Variants in TMC2 observed in about 807,000 individuals in gnomAD.
TMC2 encodes the protein transmembrane channel-like protein 2.
Under a neutral mutation model 105.9 loss-of-function variants are expected in TMC2, and 102 were observed. The observed-to-expected ratio is 0.96, with a 90% confidence interval of 0.82 to 1.14. The LOEUF (loss-of-function observed/expected upper bound fraction) is 1.14, where lower values mean the gene tolerates loss of function less well. Ranked by LOEUF, TMC2 falls within the 50% of genes most tolerant of loss-of-function variation. The pLI, the probability that TMC2 is intolerant of heterozygous loss-of-function variation, is 0.00. For synonymous variants in TMC2, 402 were observed against 422.8 expected, an observed-to-expected ratio of 0.95 and a Z score of 0.60; for missense variants, 1,093 against 1,134.3, an observed-to-expected ratio of 0.96 and a Z score of 0.52.
chr20:2,603,419 G>A (rs1381201400), intron 11 of TMC2, among the ~76,000 whole-genome samples: 1 of 152,186 alleles, frequency 6.6e-6, no homozygotes, highest in African/African-American at 2.4e-5. Context: ...TCAGATTTAA[G>A]TCTAAATATA....
In TMC2 at chr20:2,606,884, C is replaced by CTTT. The variant is rs1276064402; in HGVS notation, c.1414-3531_1414-3529dup. Among the ~76,000 whole-genome samples, 33 of 88,238 alleles carry CTTT rather than the reference C, an allele frequency of 3.7e-4. 2 individuals are homozygous for CTTT. Among genetic ancestry groups the CTTT allele is most frequent in the African/African-American group, 1.5e-3 (25 of 16,644 alleles). The allele number at this position is 88,238 out of a possible 152,430, so 57.9% of individuals were successfully genotyped here. Reference sequence around the variant, plus strand: ...TTTTAATATAGTTTTCCCTTAATTTCTTTTTTCTTTTTTTTTTTTTTTTTT... The same window carrying CTTT: ...TTTTAATATAGTTTTCCCTTAATTTCTTTTTTTTTCTTTTTTTTTTTTTTTTTT... On this transcript the variant is annotated intron_variant, in intron 11 of 19. Coordinates refer to ENST00000358864, the MANE Select transcript of TMC2 (RefSeq NM_080751.3).
At chr20:2,583,202 C>T (rs557722457) in intron 7 of TMC2, among the ~76,000 whole-genome samples, 16 of 152,320 alleles carry the variant, frequency 1.1e-4, no homozygotes, top group South Asian at 4.1e-4. Context: ...CCTTATGTAA[C>T]GCCTCCCTTT....
At chr20:2,579,096 C>A in intron 5 of TMC2, 50 bp from the exon 6 acceptor site, 3 of 1,067,840 alleles carry the variant, frequency 2.8e-6, no homozygotes, top group Non-Finnish European at 4.4e-6. Flanking sequence ...CCCCTTTGTG[C>A]TCCAGGTTGA....
chr20:2,637,440 T>C (rs1568533371), intron 18 of TMC2, 34 bp from the exon 19 acceptor site: 2 of 1,459,806 alleles, frequency 1.4e-6, no homozygotes, highest in Non-Finnish European at 1.9e-6. Flanking sequence ...ACCCATTTCC[T>C]GGGCCAGGAC....
chr20:2,619,439 G>T (rs73572281), intron 16 of TMC2, among the ~76,000 whole-genome samples: 210 of 152,190 alleles, frequency 1.4e-3, no homozygotes, highest in African/African-American at 4.7e-3. Flanking sequence ...CATGTGGGAG[G>T]CACTCTCAGA....
rs77766947 is a variant in TMC2 at position 2,538,208 on chromosome 20, G to T, written c.82+892G>T. Among the ~76,000 whole-genome samples, 5 of 152,240 alleles carry T rather than the reference G, an allele frequency of 3.3e-5. No homozygotes were observed. The East Asian group carries it at 7.7e-4, about 24-fold the overall frequency. On this transcript the variant is annotated intron_variant, in intron 2 of 19. Coordinates refer to ENST00000358864, the MANE Select transcript of TMC2 (RefSeq NM_080751.3). ...CGGGAGCCTGAGCTTCAGTGAGGCC[G>T]CTGTGTTACAAGGGGAGAGACCCAG...
chr20:2,555,972 A>T (rs550217110), intron 2 of TMC2, among the ~76,000 whole-genome samples: 6 of 152,358 alleles, frequency 3.9e-5, no homozygotes, highest in Admixed American at 1.3e-4. Flanking sequence ...GCTGTAATTC[A>T]TTTAGCTTAT....
intron 17 of TMC2, among the ~76,000 whole-genome samples, chr20:2,632,619 T>C (rs1367376085): frequency 1.3e-5 from 2 of 152,158 alleles, no homozygotes; most frequent in African/African-American, 4.8e-5. Flanking sequence ...TTACAGAGTC[T>C]CACTCTGTTG....
In TMC2 at chr20:2,536,635, T is replaced by C; in HGVS notation, c.14T>C (p.Val5Ala). ...GTGCTGCTGACCATGAGCCACCAGG[T>C]AAAGGGCCTGAAAGAGGAAGGTGAG... is the stretch of plus-strand genomic sequence containing the variant. Reference protein sequence around the residue: MSHQVKGLKEEARGG... With the variant: MSHQAKGLKEEARGG... Residue 5 changes from valine (V) to alanine (A), a missense_variant, in exon 1 of 20, where the codon GTA becomes GCA. Physicochemically the swap from Val to Ala is moderately conservative, Grantham distance 64 (BLOSUM62 0). Transcript: ENST00000358864. 6.3e-7 allele frequency: 1 copy of C among 1,575,066 alleles called. No homozygotes were observed. The highest frequency in any genetic ancestry group is 8.6e-7 in the Non-Finnish European group (1 of 1,160,378).
Position 2,602,143 on chromosome 20 carries a change from A to G in TMC2, c.1255A>G (p.Lys419Glu). The G allele has an allele frequency of 1.2e-6, 2 of 1,612,350 alleles. No homozygotes were observed. Among genetic ancestry groups the G allele is most frequent in the South Asian group, 1.1e-5 (1 of 90,514 alleles). Residue 419 changes from lysine (K) to glutamate (E), a missense_variant, in exon 11 of 20, where the codon AAA (lysine) becomes GAA (glutamate). Transcript: ENST00000358864. ...AATAGTGGATGAACAAGAGAGTAACAAAGAAGAAAATATCCATCTGACAAG... is the reference window on the plus strand; with the variant it reads ...AATAGTGGATGAACAAGAGAGTAACGAAGAAGAAAATATCCATCTGACAAG... Reference protein sequence around the residue: ...ESIVDEQESNKEENIHLTRFL... With the variant: ...ESIVDEQESNEEENIHLTRFL...
chr20:2,539,589 C>T (rs2085874963), intron 2 of TMC2, among the ~76,000 whole-genome samples: 2 of 152,170 alleles, frequency 1.3e-5, no homozygotes, highest in South Asian at 4.1e-4. Context: ...GGGAACCCTT[C>T]TCCATGATCC....
intron 4 of TMC2, among the ~76,000 whole-genome samples, chr20:2,566,095 G>A (rs1233388161): frequency 6.6e-6 from 1 of 152,112 alleles, no homozygotes; most frequent in Non-Finnish European, 1.5e-5. Context: ...GCAGTGAGTT[G>A]GGGCAAACCT....
chr20:2,642,562 T>G lies in TMC2; in HGVS notation c.*1211T>G, dbSNP rs1207641655. Among the ~76,000 whole-genome samples the G allele has an allele frequency of 1.3e-5, 2 of 152,220 alleles. No individual in the cohort carries two copies. Among genetic ancestry groups the G allele is most frequent in the African/African-American group, 4.8e-5 (2 of 41,466 alleles). On this transcript the variant is annotated 3_prime_UTR_variant, in exon 20 of 20. Coordinates refer to ENST00000358864, the MANE Select transcript of TMC2 (RefSeq NM_080751.3). ...AAAAGGTACAATGCAGAGCGTTGTC[T>G]CTGGGGATTCTATGTTCACTTAGTG...
In TMC2 at chr20:2,624,341, A is replaced by T. The variant is rs1364747281; in HGVS notation, c.2251A>T (p.Ile751Phe). The T allele has an allele frequency of 3.7e-6, 6 of 1,614,022 alleles. No homozygotes were observed. The highest frequency in any genetic ancestry group is 1.3e-5 in the African/African-American group (1 of 74,926). The change falls in exon 17 of 20, where the codon ATC (isoleucine) becomes TTC (phenylalanine). Residue 751 changes from isoleucine to phenylalanine, a missense_variant. Physicochemically the swap from Ile to Phe is conservative, Grantham distance 21. Transcript: ENST00000358864. ...ENDFPTFLGK[I>F]FAFLANPGLI... The stretch of plus-strand genomic sequence containing the variant: ...CGATTTCCCAACCTTCCTGGGCAAG[A>T]TCTTTGCTTTCCTCGCCAATCCAGG...
At chr20:2,599,390 C>A (rs370300600) in intron 10 of TMC2, among the ~76,000 whole-genome samples, 1 of 150,892 alleles carries the variant, frequency 6.6e-6, no homozygotes, top group African/African-American at 2.4e-5. Flanking sequence ...AGGAGGTCTA[C>A]AGAACTATAG....
intron 16 of TMC2, 99 bp downstream of exon 16, chr20:2,617,410 T>C: frequency 6.7e-7 from 1 of 1,487,732 alleles, no homozygotes; most frequent in Non-Finnish European, 9.1e-7. Context: ...TGCCAGCCTG[T>C]AAAAGGCCAT....
chr20:2,602,390 C>T, intron 11 of TMC2, 89 bp downstream of exon 11: 1 of 1,002,058 alleles, frequency 1.0e-6, no homozygotes. Flanking sequence ...TATCGAAAGT[C>T]TGGATTATAG....
At chr20:2,552,329 A>C (rs1310005497) in intron 2 of TMC2, among the ~76,000 whole-genome samples, 1 of 152,204 alleles carries the variant, frequency 6.6e-6, no homozygotes, top group Non-Finnish European at 1.5e-5. Flanking sequence ...ATTTTGATTG[A>C]AATCGCATTA....
At position 2,635,908 on chromosome 20, in the gene TMC2, C is replaced by A. The variant is rs780430569; in HGVS notation, c.2307-18C>A. On this transcript the variant is annotated intron_variant, in intron 17 of 19. Transcript: ENST00000358864. ...GCCAAGATCACGGGACCATAGGAGGCATGCTTTTCTCTTGCAGCTTGGCCA... is the reference window on the plus strand; with the variant it reads ...GCCAAGATCACGGGACCATAGGAGGAATGCTTTTCTCTTGCAGCTTGGCCA... 1 of 1,607,868 alleles carries A rather than the reference C, an allele frequency of 6.2e-7. No individual in the cohort carries two copies. Among genetic ancestry groups the A allele is most frequent in the Non-Finnish European group, 8.5e-7 (1 of 1,174,332 alleles).
Sources: allele counts gnomAD v4.1 joint callset (sites outside exome capture counted in the v4.1 genomes callset), GRCh38; gene constraint gnomAD v4.1.1; transcripts MANE v1.5; gene names NCBI Gene and HGNC (gene_info 2026-07-23, HGNC 2026-07-21).